ATP2A2: variants seen among roughly 807,000 people sequenced by gnomAD.
ATP2A2 encodes the protein sarcoplasmic/endoplasmic reticulum calcium ATPase 2.
A neutral mutation model predicts 109.3 loss-of-function variants in ATP2A2; 14 were observed. That is an observed-to-expected ratio of 0.13 (90% CI 0.08 to 0.20). The LOEUF (loss-of-function observed/expected upper bound fraction) is 0.20. ATP2A2 is among the 10% of genes least tolerant of loss of function. ATP2A2 has a pLI of 1.00. For missense variants in ATP2A2, 657 were observed against 1,321.6 expected (o/e 0.50, Z 7.80); for synonymous variants, 506 against 490.9 (o/e 1.03, Z -0.41).
intron 6 of ATP2A2, among the ~76,000 whole-genome samples, chr12:110,324,811 G>A (rs1013379655): frequency 6.6e-6 from 1 of 151,218 alleles, no homozygotes; most frequent in Admixed American, 6.6e-5. Context: ...AGCAGTTATA[G>A]TCTCTATAAT....
intron 11 of ATP2A2, among the ~76,000 whole-genome samples, chr12:110,335,169 C>T (rs191185699): frequency 2.6e-5 from 4 of 152,128 alleles, no homozygotes; most frequent in Non-Finnish European, 5.9e-5. Flanking sequence ...AGCTGCTGCT[C>T]CCTCCTGCCA....
intron 3 of ATP2A2, among the ~76,000 whole-genome samples, chr12:110,291,168 A>G (rs993039634): frequency 6.7e-5 from 10 of 150,080 alleles, no homozygotes; most frequent in Admixed American, 4.7e-4. Flanking sequence ...TTGGCCTCCC[A>G]AAGTGCTGGA....
At position 110,346,814 on chromosome 12, in the gene ATP2A2, A is replaced by G. The variant is rs924989159; in HGVS notation, c.*344A>G. The stretch of plus-strand genomic sequence containing the variant: ...CATTGTCAGCAAATTAATTGGCAGC[A>G]GATTTTAGGAAATGAATGTGTGTGG... On this transcript the variant is annotated 3_prime_UTR_variant, in exon 20 of 20. Transcript: ENST00000539276. 6 of 1,137,856 alleles carry G rather than the reference A, an allele frequency of 5.3e-6. No individual in the cohort carries two copies. The African/African-American group carries it at 8.3e-5, about 16-fold the overall frequency. The allele number at this position is 1,137,856 out of a possible 1,614,324, so 70.5% of individuals were successfully genotyped here.
chr12:110,286,557 G>A (rs1268498576), intron 3 of ATP2A2, among the ~76,000 whole-genome samples: 3 of 152,062 alleles, frequency 2.0e-5, no homozygotes, highest in African/African-American at 7.2e-5. Context: ...TTTATATCTG[G>A]ATCAGAAGGG....
In ATP2A2 at chr12:110,339,732, GAA is replaced by G; in HGVS notation, c.1761+14_1761+15del. On this transcript the variant is annotated intron_variant, in intron 13 of 19. Transcript: ENST00000539276. This position sits in a 1 kb window ranked among gnomAD's most constrained non-coding sequence, Gnocchi z 4.4. ...TTTATTAAATATGAGGTTAGCTAATGAAAAGTTTCTTTGTCCACACCCTGCAC... is the reference window on the plus strand; with the variant it reads ...TTTATTAAATATGAGGTTAGCTAATGAAGTTTCTTTGTCCACACCCTGCAC... 6.2e-7 allele frequency: 1 copy of G among 1,613,078 alleles called. No homozygotes were observed. The highest frequency in any genetic ancestry group is 8.5e-7 in the Non-Finnish European group (1 of 1,179,546).
Position 110,348,179 on chromosome 12 carries a change from G to A in ATP2A2, c.*1709G>A. Reference sequence around the variant, plus strand: ...AACATTGCTACTTATTTATTAAAAAGCTAAAAACTAGTGAAAGCAAGTAAC... The same window carrying A: ...AACATTGCTACTTATTTATTAAAAAACTAAAAACTAGTGAAAGCAAGTAAC... On this transcript the variant is annotated 3_prime_UTR_variant, in exon 20 of 20. Transcript: ENST00000539276. 1.0e-6 allele frequency: 1 copy of A among 985,342 alleles called. No homozygotes were observed. Among genetic ancestry groups the A allele is most frequent in the Non-Finnish European group, 1.2e-6 (1 of 829,862 alleles). 61.0% of individuals were successfully genotyped at this position (985,342 alleles called of 1,614,324 possible). A position where few individuals can be genotyped will look rare whatever the true frequency, so the allele number is the denominator to read the frequency against.
At chr12:110,281,972 C>T in intron 1 of ATP2A2, 65 bp downstream of exon 1, 3 of 1,325,592 alleles carry the variant, frequency 2.3e-6, no homozygotes, top group Admixed American at 2.4e-5. Context: ...AGATGGCTGA[C>T]CGGGCTCCAC....
intron 5 of ATP2A2, among the ~76,000 whole-genome samples, chr12:110,318,841 C>T (rs1876941079): frequency 6.6e-6 from 1 of 152,016 alleles, no homozygotes; most frequent in South Asian, 2.1e-4. Flanking sequence ...TAATAGAAGC[C>T]AATTAAACAT....
chr12:110,299,869 G>T (rs952908895), intron 5 of ATP2A2, among the ~76,000 whole-genome samples: 2 of 152,136 alleles, frequency 1.3e-5, no homozygotes, highest in Non-Finnish European at 2.9e-5. Flanking sequence ...AGGCAGTCCT[G>T]CCTCAGCCTC....
Position 110,307,220 on chromosome 12 carries a change from A to AT in ATP2A2, c.463+10483_463+10484insT, listed in dbSNP as rs1555279245. ...TATAAGTGTTCCCCCCAGCCCCACCACCTTTTTTTTTTTTTTTTTCTTTTT... is the reference window on the plus strand; with the variant it reads ...TATAAGTGTTCCCCCCAGCCCCACCATCCTTTTTTTTTTTTTTTTTCTTTTT... On this transcript the variant is annotated intron_variant, in intron 5 of 19. Coordinates refer to ENST00000539276, the MANE Select transcript of ATP2A2 (RefSeq NM_170665.4). Among the ~76,000 whole-genome samples, 5 of 57,576 alleles carry AT rather than the reference A, an allele frequency of 8.7e-5. No homozygotes were observed. The Admixed American group carries it at 1.1e-3, about 12-fold the overall frequency. 37.8% of individuals were successfully genotyped at this position (57,576 alleles called of 152,430 possible).
chr12:110,348,196 G>C lies in ATP2A2; in HGVS notation c.*1726G>C. 1.0e-6 allele frequency: 1 copy of C among 985,408 alleles called. No individual in the cohort carries two copies. Among genetic ancestry groups the C allele is most frequent in the Non-Finnish European group, 1.2e-6 (1 of 829,940 alleles). 61.0% of individuals were successfully genotyped at this position (985,408 alleles called of 1,614,324 possible). A position where few individuals can be genotyped will look rare whatever the true frequency, so the allele number is the denominator to read the frequency against. ...ATTAAAAAGCTAAAAACTAGTGAAA[G>C]CAAGTAACTGAACCAGTGAACTCTG... On this transcript the variant is annotated 3_prime_UTR_variant, in exon 20 of 20. Transcript: ENST00000539276.
chr12:110,347,033 C>CCCCACA lies in ATP2A2; in HGVS notation c.*563_*564insCCCACA. On this transcript the variant is annotated 3_prime_UTR_variant, in exon 20 of 20. Coordinates refer to ENST00000539276, the MANE Select transcript of ATP2A2 (RefSeq NM_170665.4). ...GGCCTCCGTTCACCCCACCCCACCC[C>CCCCACA]ACCTCTCCCCACCTTACCCCCGCCC... The CCCCACA allele has an allele frequency of 9.5e-7, 1 of 1,053,892 alleles. No individual in the cohort carries two copies. Among genetic ancestry groups the CCCCACA allele is most frequent in the Non-Finnish European group, 1.1e-6 (1 of 871,292 alleles). 65.3% of individuals were successfully genotyped at this position (1,053,892 alleles called of 1,614,324 possible).
intron 5 of ATP2A2, among the ~76,000 whole-genome samples, chr12:110,304,199 C>T (rs191183351): frequency 1.3e-5 from 2 of 152,192 alleles, no homozygotes; most frequent in African/African-American, 2.4e-5. Context: ...GGGTTGTTTC[C>T]AGTTTTGGTC....
chr12:110,332,537 A>G (rs1878441443), intron 8 of ATP2A2, 60 bp from the exon 9 acceptor site: 1 of 1,376,980 alleles, frequency 7.3e-7, no homozygotes, highest in Admixed American at 1.7e-5. Context: ...AAGGTAGTTT[A>G]TTTGTGTAGC....
intron 16 of ATP2A2, among the ~76,000 whole-genome samples, 159 bp from the exon 17 acceptor site, chr12:110,344,727 C>T (rs3026486): frequency 0.081 from 12,277 of 152,266 alleles, 540 homozygotes; most frequent in Middle Eastern, 0.11. Flanking sequence ...GTTGCTCTGG[C>T]TACCAGGCGT....
intron 8 of ATP2A2, among the ~76,000 whole-genome samples, 160 bp downstream of exon 8, chr12:110,328,177 T>C (rs921003392): frequency 5.3e-5 from 8 of 152,298 alleles, no homozygotes; most frequent in African/African-American, 1.9e-4. Flanking sequence ...GATCTAATCA[T>C]TTAATTCCTA....
At position 110,348,179 on chromosome 12, in the gene ATP2A2, GC is replaced by G; in HGVS notation, c.*1710del. 1 of 985,342 alleles carries G rather than the reference GC, an allele frequency of 1.0e-6. No homozygotes were observed. Among genetic ancestry groups the G allele is most frequent in the African/African-American group, 1.7e-5 (1 of 57,350 alleles). The allele number at this position is 985,342 out of a possible 1,614,324, so 61.0% of individuals were successfully genotyped here. A position where few individuals can be genotyped will look rare whatever the true frequency, so the allele number is the denominator to read the frequency against. ...AACATTGCTACTTATTTATTAAAAAGCTAAAAACTAGTGAAAGCAAGTAACT... is the reference window on the plus strand; with the variant it reads ...AACATTGCTACTTATTTATTAAAAAGTAAAAACTAGTGAAAGCAAGTAACT... On this transcript the variant is annotated 3_prime_UTR_variant, in exon 20 of 20. Coordinates refer to ENST00000539276, the MANE Select transcript of ATP2A2 (RefSeq NM_170665.4).
At chr12:110,333,988 T>C in intron 10 of ATP2A2, 24 bp from the exon 11 acceptor site, 3 of 1,614,046 alleles carry the variant, frequency 1.9e-6, no homozygotes, top group South Asian at 2.2e-5. Context: ...TTTTTTCTAC[T>C]TTCTGTGCCT....
In ATP2A2 at chr12:110,342,045, T is replaced by C. The variant is rs1225593456; in HGVS notation, c.2098-183T>C. On this transcript the variant is annotated intron_variant, in intron 14 of 19. Coordinates refer to ENST00000539276, the MANE Select transcript of ATP2A2 (RefSeq NM_170665.4). This position sits in a 1 kb window ranked among gnomAD's most constrained non-coding sequence, Gnocchi z 4.6. ...ACTTCGGTAAACTTATTTGGTAATTTTACATTTCCTAGGTAAAATGTGTTT... is the reference window on the plus strand; with the variant it reads ...ACTTCGGTAAACTTATTTGGTAATTCTACATTTCCTAGGTAAAATGTGTTT... Among the ~76,000 whole-genome samples, 1 of 152,230 alleles carries C rather than the reference T, an allele frequency of 6.6e-6. No homozygotes were observed. Among genetic ancestry groups the C allele is most frequent in the Non-Finnish European group, 1.5e-5 (1 of 68,040 alleles).
Sources: gnomAD v4.1 joint callset for allele counts (sites outside exome capture counted in the v4.1 genomes callset) on GRCh38, gnomAD v4.1.1 for gene constraint, Gnocchi (gnomAD v3.1) non-coding constraint, MANE v1.5 for transcripts, NCBI Gene and HGNC (gene_info 2026-07-23, HGNC 2026-07-21) for gene names.